The following XDH variants were observed in gnomAD, a reference collection of about 807,000 sequenced individuals.
XDH encodes xanthine dehydrogenase/oxidase.
A neutral mutation model predicts 156.1 loss-of-function variants in XDH; 138 were observed. The observed-to-expected ratio is 0.88, with a 90% CI of 0.77 to 1.02. XDH has a LOEUF of 1.02. Among genes scored for constraint, XDH ranks in the 50% least tolerant of loss-of-function variants. The pLI is 0.00. For missense variants in XDH, 1,849 were observed against 1,684.9 expected (o/e 1.10, Z -1.71); for synonymous variants, 669 against 625.7 (o/e 1.07, Z -1.03).
rs963277905 is a variant in XDH, at chr2:31,347,622, G to A, written c.3176C>T (p.Thr1059Ile). ...QVASRALKIPTSKIYISETST... is the reference protein window; with the variant it reads ...QVASRALKIPISKIYISETST... ...TGTCTCGCTGATATAAATCTTAGAG[G>A]TGGGGATTTTCAGAGCTCTACTGGC... The change falls in exon 29 of 36, where the codon ACC (threonine) becomes ATC (isoleucine). Residue 1059 changes from threonine to isoleucine, a missense_variant. Thr to Ile is a moderately conservative substitution (Grantham distance 89). Coordinates refer to ENST00000379416, the MANE Select transcript of XDH (RefSeq NM_000379.4). 3 of 1,614,146 alleles carry A rather than the reference G, an allele frequency of 1.9e-6. No individual in the cohort carries two copies. Among genetic ancestry groups the A allele is most frequent in the Middle Eastern group, 3.3e-4 (2 of 6,060 alleles).
Position 31,346,830 on chromosome 2 carries a change from G to A in XDH, c.3290C>T (p.Thr1097Ile), listed in dbSNP as rs1184423535. Residue 1097 changes from threonine to isoleucine, a missense_variant, in exon 30 of 36, where the codon ACC becomes ATC. Coordinates refer to ENST00000379416, the MANE Select transcript of XDH (RefSeq NM_000379.4). ...GTAGGGTTCCAGCCTTTTCAAGATG[G>A]TCTGACAAGCCGCCTAAAGTAAACA... ...NGQAVYAACQ[T>I]ILKRLEPYKK... 6.2e-7 allele frequency: 1 copy of A among 1,614,026 alleles called. No individual in the cohort carries two copies. Among genetic ancestry groups the A allele is most frequent in the Admixed American group, 1.7e-5 (1 of 60,010 alleles).
chr2:31,368,504 G>T, intron 19 of XDH, 37 bp downstream of exon 19: 1 of 1,613,014 alleles, frequency 6.2e-7, no homozygotes, highest in Non-Finnish European at 8.5e-7. Context: ...GGGACGGGGA[G>T]CTCACTCCTC....
rs1237960493 is a variant in XDH at position 31,403,089 on chromosome 2, TGTGCAA to T, written c.150_155del (p.Cys51_Thr52del). 1.9e-6 allele frequency: 3 copies of T among 1,614,066 alleles called. No homozygotes were observed. The highest frequency in any genetic ancestry group is 2.5e-6 in the Non-Finnish European group (3 of 1,180,022). On this transcript the variant is annotated inframe_deletion, in exon 3 of 36. Transcript: ENST00000379416. ...GACGATCATACTTGGAGAGCATCAC[TGTGCAA>T]GCCCCGCAGCCCCCCTCTCCACAGC...
intron 33 of XDH, 89 bp from the exon 34 acceptor site, chr2:31,339,766 T>G: frequency 6.5e-7 from 1 of 1,526,926 alleles, no homozygotes; most frequent in East Asian, 2.4e-5. Context: ...AAGCGCCAAC[T>G]GCAGCGCGGC....
At position 31,370,350 on chromosome 2, in the gene XDH, C is replaced by T; in HGVS notation, c.1980+5G>A. 6.2e-7 allele frequency: 1 copy of T among 1,614,172 alleles called. No homozygotes were observed. The highest frequency in any genetic ancestry group is 8.5e-7 in the Non-Finnish European group (1 of 1,180,026). On this transcript the variant is annotated splice_donor_5th_base_variant and intron_variant, in intron 18 of 35. Coordinates refer to ENST00000379416, the MANE Select transcript of XDH (RefSeq NM_000379.4). ...TTACTTCATATAAAAAAATCCAAGA[C>T]TTACCTTATCCTTCGCAAAGACTGT... is the stretch of plus-strand genomic sequence containing the variant.
intron 26 of XDH, 68 bp from the exon 27 acceptor site, chr2:31,349,048 T>C (rs1685381226): frequency 3.4e-6 from 5 of 1,482,224 alleles, no homozygotes; most frequent in Admixed American, 1.8e-5. Context: ...TCTTTGGATG[T>C]TCACATCAAA....
chr2:31,337,282 T>TA (rs201756000), intron 35 of XDH, among the ~76,000 whole-genome samples: 3,900 of 147,572 alleles, frequency 0.026, 65 homozygotes, highest in South Asian at 0.032. Flanking sequence ...TAACATAAAT[T>TA]AAAAAAAAAA....
chr2:31,398,535 G>T, intron 5 of XDH, 38 bp downstream of exon 5: 7 of 1,612,926 alleles, frequency 4.3e-6, no homozygotes, highest in Non-Finnish European at 5.9e-6. Flanking sequence ...GGCCTCGTTT[G>T]CCATTCCACC....
In XDH at chr2:31,398,719, T is replaced by G. The variant is rs202204109; in HGVS notation, c.307-20A>C. 5.6e-6 allele frequency: 9 copies of G among 1,612,984 alleles called. No individual in the cohort carries two copies. The highest frequency in any genetic ancestry group is 7.6e-6 in the Non-Finnish European group (9 of 1,179,300). ...TCTCTCCTAAAAGATACAGATGACA[T>G]AGACACCTGGGATGGCAGAACCCTC... On this transcript the variant is annotated intron_variant, in intron 4 of 35. Transcript: ENST00000379416.
chr2:31,349,863 T>G (rs1572517628), intron 25 of XDH, 32 bp from the exon 26 acceptor site: 1 of 1,613,192 alleles, frequency 6.2e-7, no homozygotes, highest in Non-Finnish European at 8.5e-7. Flanking sequence ...GAGGCCTTGT[T>G]GGCGGCAAGA....
intron 35 of XDH, among the ~76,000 whole-genome samples, chr2:31,336,911 G>GC (rs1684983235): frequency 6.7e-6 from 1 of 148,678 alleles, no homozygotes; most frequent in Admixed American, 6.8e-5. Flanking sequence ...ACTGTACAGA[G>GC]CCCACTTCAG....
chr2:31,350,094 T>C lies in XDH; in HGVS notation c.2761A>G (p.Met921Val). Reference protein sequence around the residue: ...AFRGFGGPQGMLIAECWMSEV... With the variant: ...AFRGFGGPQGVLIAECWMSEV... ...CTCATCCAGCACTCGGCAATGAGCA[T>C]CCCCTGGGGCCCCCCAAAGCCCCGG... The change falls in exon 25 of 36, where the codon ATG (methionine) becomes GTG (valine). Residue 921 changes from methionine to valine, a missense_variant. Coordinates refer to ENST00000379416, the MANE Select transcript of XDH (RefSeq NM_000379.4). 2 of 1,614,210 alleles carry C rather than the reference T, an allele frequency of 1.2e-6. No homozygotes were observed. Among genetic ancestry groups the C allele is most frequent in the Non-Finnish European group, 1.7e-6 (2 of 1,180,048 alleles).
chr2:31,386,844 C>A (rs1477596626), intron 8 of XDH, among the ~76,000 whole-genome samples: 1 of 80,420 alleles, frequency 1.2e-5, no homozygotes, highest in East Asian at 3.9e-4. Flanking sequence ...CATGAGGGGT[C>A]CCCAACAGAC....
At chr2:31,411,194 A>G (rs1354442961) in intron 1 of XDH, among the ~76,000 whole-genome samples, 1 of 151,304 alleles carries the variant, frequency 6.6e-6, no homozygotes, top group Non-Finnish European at 1.5e-5. Context: ...GAGGCAGACA[A>G]TTGCTTGAAC....
chr2:31,397,104 G>A (rs1686930767), intron 6 of XDH, among the ~76,000 whole-genome samples: 1 of 152,184 alleles, frequency 6.6e-6, no homozygotes, highest in Admixed American at 6.5e-5. Context: ...CCAGATGGCA[G>A]GTGTGTGTAT....
intron 22 of XDH, 44 bp from the exon 23 acceptor site, chr2:31,365,588 G>A (rs770163262): frequency 3.7e-6 from 6 of 1,602,820 alleles, no homozygotes; most frequent in Non-Finnish European, 5.1e-6. Context: ...GCCTTCAACA[G>A]CAGCTCAGCC....
Position 31,350,127 on chromosome 2 carries a change from T to C in XDH, c.2728A>G (p.Thr910Ala), listed in dbSNP as rs1426236024. ...RLCKTNLPSNTAFRGFGGPQG... is the reference protein window; with the variant it reads ...RLCKTNLPSNAAFRGFGGPQG... Reference sequence around the variant, plus strand: ...GGCCCCCCAAAGCCCCGGAAGGCCGTGTTGGAGGGAAGGTTGGTTTTGCAC... The same window carrying C: ...GGCCCCCCAAAGCCCCGGAAGGCCGCGTTGGAGGGAAGGTTGGTTTTGCAC... The change falls in exon 25 of 36, where the codon ACG becomes GCG. Residue 910 changes from threonine to alanine, a missense_variant. Transcript: ENST00000379416. 2.0e-5 allele frequency: 33 copies of C among 1,613,986 alleles called. No homozygotes were observed. Among genetic ancestry groups the C allele is most frequent in the Non-Finnish European group, 2.6e-5 (31 of 1,180,026 alleles).
At chr2:31,384,489 T>C (rs1686530654) in intron 9 of XDH, 1 of 155,782 alleles carries the variant, frequency 6.4e-6, no homozygotes, top group African/African-American at 2.4e-5. Flanking sequence ...TTCTTCAAGT[T>C]GTCTGGCTTT....
In XDH at chr2:31,378,027, A is replaced by T. The variant is rs544458078; in HGVS notation, c.1243-790T>A. ...GCAGGCAGAGTGAGAATCTGTCTCA[A>T]AAAAAAAGAGAAGAAAGAGAAAGAA... On this transcript the variant is annotated intron_variant, in intron 13 of 35. Transcript: ENST00000379416. Among the ~76,000 whole-genome samples, 4 of 147,928 alleles carry T rather than the reference A, an allele frequency of 2.7e-5. No homozygotes were observed. In the East Asian group the frequency reaches 7.9e-4, roughly 29 times the overall value.
Sources: gnomAD v4.1 joint callset for allele counts (sites outside exome capture counted in the v4.1 genomes callset) on GRCh38, gnomAD v4.1.1 for gene constraint, MANE v1.5 for transcripts, NCBI Gene and HGNC (gene_info 2026-07-23, HGNC 2026-07-21) for gene names.